The following CABIN1 variants were observed in gnomAD, a reference collection of about 807,000 sequenced individuals.
The protein encoded by CABIN1 is calcineurin binding protein 1, also known as calcineurin-binding protein cabin-1.
CABIN1 carries 133 observed loss-of-function variants against 227.7 expected under a neutral mutation model. The observed-to-expected ratio is 0.58, with a 90% confidence interval of 0.51 to 0.67. The LOEUF (loss-of-function observed/expected upper bound fraction) is 0.67. CABIN1 is among the 30% of genes least tolerant of loss of function. The pLI, the probability that CABIN1 is intolerant of heterozygous loss-of-function variation, is 0.00. For synonymous variants in CABIN1, 1,086 were observed against 1,155.1 expected (o/e 0.94, Z 1.21); for missense variants, 2,408 against 2,852.5 (o/e 0.84, Z 3.55).
At chr22:24,011,967 T>A (rs2034846490) in intron 1 of CABIN1, among the ~76,000 whole-genome samples, 1 of 152,202 alleles carries the variant, frequency 6.6e-6, no homozygotes, top group African/African-American at 2.4e-5. Context: ...CCTGGGTTAT[T>A]ACAGGTTATA....
At chr22:24,122,471 G>A (rs1045035747) in intron 28 of CABIN1, among the ~76,000 whole-genome samples, 2 of 152,058 alleles carry the variant, frequency 1.3e-5, no homozygotes, top group African/African-American at 4.8e-5. Flanking sequence ...ACTTTGGGAG[G>A]CTGAGGCGGG....
At chr22:24,030,281 T>C (rs1388497061) in intron 1 of CABIN1, among the ~76,000 whole-genome samples, 2 of 152,182 alleles carry the variant, frequency 1.3e-5, no homozygotes, top group Non-Finnish European at 2.9e-5. Flanking sequence ...CTGTCACTTT[T>C]TGCTGTGCTA....
At position 24,093,879 on chromosome 22, in the gene CABIN1, A is replaced by T. The variant is rs547484731; in HGVS notation, c.3786+2036A>T. ...TGGGAGACAGAGTGAGACCTTGTCT[A>T]AAAAAAAAAAAATTAAATTTGCCTG... On this transcript the variant is annotated intron_variant, in intron 24 of 36. Transcript: ENST00000263119. Among the ~76,000 whole-genome samples, 47 of 145,622 alleles carry T rather than the reference A, an allele frequency of 3.2e-4. 1 individual carries two copies. In the South Asian group the frequency reaches 9.9e-3, roughly 31 times the overall value.
chr22:24,050,060 C>T (rs1282257594), intron 7 of CABIN1, among the ~76,000 whole-genome samples: 1 of 152,194 alleles, frequency 6.6e-6, no homozygotes, highest in East Asian at 1.9e-4. Context: ...CCCTCCAGCC[C>T]AGCCAACTCC....
At position 24,178,607 on chromosome 22, in the gene CABIN1, T is replaced by C; in HGVS notation, c.*411T>C. 3.5e-6 allele frequency: 1 copy of C among 286,136 alleles called. No individual in the cohort carries two copies. The highest frequency in any genetic ancestry group is 4.7e-5 in the Admixed American group (1 of 21,278). The allele number at this position is 286,136 out of a possible 1,614,324, so 17.7% of individuals were successfully genotyped here. A position where few individuals can be genotyped will look rare whatever the true frequency, so the allele number is the denominator to read the frequency against. On this transcript the variant is annotated 3_prime_UTR_variant, in exon 37 of 37. Transcript: ENST00000263119. ...CCCCTCACCCTTTTTTTGGTTGCTT[T>C]TCTAATAAAGATGGAACAGTTGTCT... is the stretch of plus-strand genomic sequence containing the variant.
At chr22:24,094,818 C>T (rs866654293) in intron 24 of CABIN1, among the ~76,000 whole-genome samples, 4 of 125,110 alleles carry the variant, frequency 3.2e-5, no homozygotes, top group African/African-American at 1.3e-4. Flanking sequence ...AGCGAGACTC[C>T]GTCTCAAAAA....
At chr22:24,107,931 G>A (rs577904684) in intron 26 of CABIN1, among the ~76,000 whole-genome samples, 1 of 152,350 alleles carries the variant, frequency 6.6e-6, no homozygotes, top group South Asian at 2.1e-4. Flanking sequence ...AGGAGACCCA[G>A]CCCTAGCTTG....
intron 33 of CABIN1, among the ~76,000 whole-genome samples, chr22:24,169,162 A>T (rs533771508): frequency 1.3e-5 from 2 of 151,970 alleles, no homozygotes; most frequent in Admixed American, 1.3e-4. Context: ...GAGGGCTGGG[A>T]TCAGAATTCA....
At chr22:24,115,556 G>A (rs571346370) in intron 27 of CABIN1, among the ~76,000 whole-genome samples, 1 of 152,314 alleles carries the variant, frequency 6.6e-6, no homozygotes, top group East Asian at 1.9e-4. Flanking sequence ...GTAAGAGCAG[G>A]TATGGCAGGG....
intron 18 of CABIN1, 58 bp downstream of exon 18, chr22:24,072,568 T>C (rs2040169144): frequency 6.2e-7 from 1 of 1,602,126 alleles, no homozygotes; most frequent in Non-Finnish European, 8.5e-7. Context: ...CTTGCCCCTG[T>C]CCTCTGCCCT....
intron 18 of CABIN1, 116 bp downstream of exon 18, chr22:24,072,626 C>G (rs1254876248): frequency 1.6e-6 from 2 of 1,243,522 alleles, no homozygotes; most frequent in Admixed American, 3.7e-5. Flanking sequence ...TCAGTCCTCT[C>G]AATCCCAGGA....
chr22:24,071,948 C>T (rs2040117434), intron 17 of CABIN1, among the ~76,000 whole-genome samples: 2 of 152,166 alleles, frequency 1.3e-5, no homozygotes, highest in Admixed American at 6.5e-5. Context: ...ATAAGGCTCT[C>T]ACCTGTCTGC....
intron 29 of CABIN1, among the ~76,000 whole-genome samples, chr22:24,151,453 C>T (rs775794278): frequency 2.0e-5 from 3 of 152,238 alleles, no homozygotes; most frequent in South Asian, 2.1e-4. Flanking sequence ...GAAGATGGAT[C>T]GACTGCCCTA....
In CABIN1 at chr22:24,171,934, C is replaced by T; in HGVS notation, c.5979C>T (p.Asp1993=). 1 of 1,613,832 alleles carries T rather than the reference C, an allele frequency of 6.2e-7. No individual in the cohort carries two copies. Among genetic ancestry groups the T allele is most frequent in the Non-Finnish European group, 8.5e-7 (1 of 1,180,036 alleles). ...CTTCCACCCTGGACCAGTCCAAGGACCCTGGGCCTCCCCGGCCACACAGGC... is the reference window on the plus strand; with the variant it reads ...CTTCCACCCTGGACCAGTCCAAGGATCCTGGGCCTCCCCGGCCACACAGGC... ...ASASTLDQSK[D]PGPPRPHRPE... The change falls in exon 34 of 37, where the codon GAC becomes GAT. Residue 1993 remains aspartate (D), a synonymous_variant. Coordinates refer to ENST00000263119, the MANE Select transcript of CABIN1 (RefSeq NM_012295.4).
intron 19 of CABIN1, among the ~76,000 whole-genome samples, chr22:24,083,022 G>A (rs1443994483): frequency 6.6e-6 from 1 of 152,184 alleles, no homozygotes; most frequent in African/African-American, 2.4e-5. Context: ...TGGGCCCAGA[G>A]GTGGGACCAG....
chr22:24,125,228 G>C (rs1248247810), intron 28 of CABIN1, among the ~76,000 whole-genome samples: 1 of 152,192 alleles, frequency 6.6e-6, no homozygotes, highest in Non-Finnish European at 1.5e-5. Flanking sequence ...CTGCCAGGGG[G>C]GCCCCACAGG....
chr22:24,131,881 C>T (rs1006897305), intron 28 of CABIN1, among the ~76,000 whole-genome samples: 5 of 152,100 alleles, frequency 3.3e-5, no homozygotes, highest in African/African-American at 9.7e-5. Flanking sequence ...GCCTGGGCAA[C>T]GTGGTGAAAC....
chr22:24,154,320 A>G (rs1044303799), intron 29 of CABIN1, among the ~76,000 whole-genome samples: 3 of 152,114 alleles, frequency 2.0e-5, no homozygotes, highest in Non-Finnish European at 4.4e-5. Flanking sequence ...AGAGTGGCCC[A>G]ACTAGCTCTG....
In CABIN1 at chr22:24,049,090, G is replaced by A. The variant is rs1457865955; in HGVS notation, c.527-1G>A. 1 of 1,613,898 alleles carries A rather than the reference G, an allele frequency of 6.2e-7. No individual in the cohort carries two copies. Among genetic ancestry groups the A allele is most frequent in the South Asian group, 1.1e-5 (1 of 91,070 alleles). ...TCATAAACTGTCTCTTTCCCCGCCA[G>A]CATGTCTGTACTTCATCTGCAAAGC... On this transcript the variant is annotated splice_acceptor_variant, in intron 6 of 36. Coordinates refer to ENST00000263119, the MANE Select transcript of CABIN1 (RefSeq NM_012295.4). LOFTEE classifies it high-confidence loss of function.
Sources: gnomAD v4.1 joint callset for allele counts (sites outside exome capture counted in the v4.1 genomes callset) on GRCh38, gnomAD v4.1.1 for gene constraint, MANE v1.5 for transcripts, NCBI Gene and HGNC (gene_info 2026-07-23, HGNC 2026-07-21) for gene names.